The following BAZ2B variants were observed in gnomAD, a reference collection of about 807,000 sequenced individuals.
BAZ2B encodes bromodomain adjacent to zinc finger domain protein 2B.
BAZ2B carries 91 observed loss-of-function variants against 246.0 expected under a neutral mutation model. The ratio of observed to expected loss-of-function variants is 0.37; its 90% confidence interval spans 0.31 to 0.44. The LOEUF (loss-of-function observed/expected upper bound fraction) is 0.44, where lower values mean the gene tolerates loss of function less well. Among genes scored for constraint, BAZ2B ranks in the 20% least tolerant of loss-of-function variants. The pLI is 1.00. For missense variants in BAZ2B, 2,332 were observed against 2,533.7 expected, an observed-to-expected ratio of 0.92 and a Z score of 1.71; for synonymous variants, 855 against 860.0, an observed-to-expected ratio of 0.99 and a Z score of 0.10.
chr2:159,646,958 C>T, the BAZ2B span, among the ~76,000 whole-genome samples: 1 of 152,114 alleles, frequency 6.6e-6, no homozygotes. Flanking sequence ...AAGATAGATG[C>T]TTTCTCTCCT....
intron 2 of BAZ2B, among the ~76,000 whole-genome samples, chr2:159,481,359 A>G (rs1019058358): frequency 2.0e-5 from 3 of 151,920 alleles, no homozygotes; most frequent in Non-Finnish European, 2.9e-5. Context: ...GTCAAAGAAC[A>G]GGTATAGATA....
At chr2:159,522,291 A>G (rs1002519952) in intron 2 of BAZ2B, among the ~76,000 whole-genome samples, 5 of 152,152 alleles carry the variant, frequency 3.3e-5, no homozygotes, top group Admixed American at 2.0e-4. Context: ...TGAGTATAGG[A>G]TATTTAACTA....
Position 159,433,072 on chromosome 2 carries a change from T to C in BAZ2B, c.1585A>G (p.Thr529Ala). 6.2e-7 allele frequency: 1 copy of C among 1,614,178 alleles called. No individual in the cohort carries two copies. The highest frequency in any genetic ancestry group is 8.5e-7 in the Non-Finnish European group (1 of 1,180,032). Reference protein sequence around the residue: ...INENIAAASSTPFSSPVNLST... With the variant: ...INENIAAASSAPFSSPVNLST... The stretch of plus-strand genomic sequence containing the variant: ...AGATTTACAGGTGAGGAAAAAGGGG[T>C]GCTACTTGCAGCAGCAATGTTTTCA... Residue 529 changes from threonine (T) to alanine (A), a missense_variant, in exon 9 of 37, where the codon ACC becomes GCC. By Grantham distance (58) the Thr-to-Ala change is moderately conservative. Transcript: ENST00000392783.
upstream of BAZ2B, chr2:159,617,127 T>C (rs1696180016): frequency 6.6e-6 from 1 of 152,090 alleles, no homozygotes; most frequent in Non-Finnish European, 1.5e-5. Flanking sequence ...TAAAAGGTAA[T>C]CTCGATAGCT....
At chr2:159,677,006 A>T in the BAZ2B span, among the ~76,000 whole-genome samples, 1 of 144,254 alleles carries the variant, frequency 6.9e-6, no homozygotes, top group African/African-American at 2.5e-5. Flanking sequence ...TACAATTTTT[A>T]AAAATTGAGT....
At chr2:159,476,687 C>T (rs116632815) in intron 3 of BAZ2B, among the ~76,000 whole-genome samples, 2,247 of 152,212 alleles carry the variant, frequency 0.015, 49 homozygotes, top group African/African-American at 0.051. Context: ...TTTAGGAATA[C>T]TATGTATGTT....
At chr2:159,610,244 T>TCAGAA (rs1228205527) in intron 1 of BAZ2B, among the ~76,000 whole-genome samples, 6 of 152,216 alleles carry the variant, frequency 3.9e-5, no homozygotes, top group African/African-American at 7.2e-5. Flanking sequence ...CCTGACCTAC[T>TCAGAA]AGAAGACTTT....
intron 1 of BAZ2B, chr2:159,615,552 C>G (rs1056178024): frequency 1.3e-5 from 2 of 152,212 alleles, no homozygotes; most frequent in African/African-American, 2.4e-5. Context: ...AGCTAGAGGC[C>G]CAAGCCGGGG....
chr2:159,539,599 T>C (rs921400915), intron 2 of BAZ2B, among the ~76,000 whole-genome samples: 1 of 152,154 alleles, frequency 6.6e-6, no homozygotes, highest in Non-Finnish European at 1.5e-5. Flanking sequence ...AGGCTAGCCA[T>C]GGTGGCTCAT....
the BAZ2B span, among the ~76,000 whole-genome samples, chr2:159,707,157 A>G: frequency 6.6e-6 from 1 of 152,212 alleles, no homozygotes. Context: ...TTACATATTT[A>G]AATTAAATAT....
the BAZ2B span, among the ~76,000 whole-genome samples, chr2:159,632,588 C>G: frequency 6.6e-6 from 1 of 152,160 alleles, no homozygotes; most frequent in African/African-American, 2.4e-5. Context: ...CGTCCCAACT[C>G]TGTGATAAGT....
At chr2:159,643,876 C>CAAA in the BAZ2B span, among the ~76,000 whole-genome samples, 107 of 65,632 alleles carry the variant, frequency 1.6e-3, no homozygotes, top group Admixed American at 1.8e-3. Context: ...AACTCCATCA[C>CAAA]AAAAAAAAAA....
At chr2:159,379,305 A>T (rs1485820229) in intron 25 of BAZ2B, among the ~76,000 whole-genome samples, 1 of 152,046 alleles carries the variant, frequency 6.6e-6, no homozygotes, top group Non-Finnish European at 1.5e-5. Flanking sequence ...AGAACCAGAG[A>T]GTAGAATGGT....
At chr2:159,497,958 A>C (rs2081332718) in intron 2 of BAZ2B, among the ~76,000 whole-genome samples, 1 of 152,178 alleles carries the variant, frequency 6.6e-6, no homozygotes, top group South Asian at 2.1e-4. Context: ...GCTGGATGTG[A>C]CTAACCTTGG....
At chr2:159,461,060 C>T (rs889020300) in intron 3 of BAZ2B, 20 of 152,362 alleles carry the variant, frequency 1.3e-4, no homozygotes, top group African/African-American at 4.8e-4. Flanking sequence ...GCATACACAG[C>T]TCAATGGGTA....
chr2:159,590,753 C>T (rs114668662), intron 1 of BAZ2B, among the ~76,000 whole-genome samples: 5 of 151,878 alleles, frequency 3.3e-5, no homozygotes, highest in African/African-American at 4.8e-5. Context: ...GGGGTGGGCA[C>T]GGTAGAATGG....
At chr2:159,461,948 A>G (rs766923906) in intron 3 of BAZ2B, 1 of 153,982 alleles carries the variant, frequency 6.5e-6, no homozygotes, top group Non-Finnish European at 1.4e-5. Context: ...TGTGCCTTCC[A>G]CTTAGCTATA....
chr2:159,392,301 T>C (rs1402589431), intron 20 of BAZ2B: 1 of 152,152 alleles, frequency 6.6e-6, no homozygotes, highest in Non-Finnish European at 1.5e-5. Flanking sequence ...CCATACCTAC[T>C]GTCTAGAATG....
At chr2:159,490,304 G>T (rs919429046) in intron 2 of BAZ2B, among the ~76,000 whole-genome samples, 3 of 151,850 alleles carry the variant, frequency 2.0e-5, no homozygotes, top group Non-Finnish European at 4.4e-5. Context: ...TTTAAAAAAT[G>T]GTCCAATTAT....
Sources: allele counts gnomAD v4.1 joint callset (sites outside exome capture counted in the v4.1 genomes callset), GRCh38; gene constraint gnomAD v4.1.1; transcripts MANE v1.5; gene names NCBI Gene and HGNC (gene_info 2026-07-23, HGNC 2026-07-21).